The following DNAH12 variants were observed in gnomAD, a reference collection of about 807,000 sequenced individuals.
The protein encoded by DNAH12 is dynein axonemal heavy chain 12.
DNAH12 carries 285 observed loss-of-function variants against 371.5 expected under a neutral mutation model. The ratio of observed to expected loss-of-function variants is 0.77; its 90% CI spans 0.70 to 0.85. DNAH12 has a LOEUF of 0.85. Among genes scored for constraint, DNAH12 ranks in the 40% least tolerant of loss-of-function variants. The pLI is 0.00. For synonymous variants in DNAH12, 1,200 were observed against 1,213.0 expected (o/e 0.99, Z 0.22); for missense variants, 3,611 against 3,689.4 (o/e 0.98, Z 0.55).
At chr3:57,396,576 C>T (rs2063746529) in intron 43 of DNAH12, among the ~76,000 whole-genome samples, 1 of 151,876 alleles carries the variant, frequency 6.6e-6, no homozygotes, top group Admixed American at 6.6e-5. Flanking sequence ...CTGCCTCAGC[C>T]TCCCAAGTAT....
chr3:57,547,468 C>G (rs1425648373), upstream of DNAH12, among the ~76,000 whole-genome samples: 1 of 152,026 alleles, frequency 6.6e-6, no homozygotes, highest in South Asian at 2.1e-4. Flanking sequence ...GATGTACATC[C>G]TTTTTAATAG....
chr3:57,368,491 G>A (rs1254850623), intron 55 of DNAH12, among the ~76,000 whole-genome samples: 5 of 138,284 alleles, frequency 3.6e-5, no homozygotes, highest in African/African-American at 1.0e-4. Context: ...TCTGCCCAAG[G>A]TCCCAAGGTT....
At chr3:57,515,525 G>A (rs1221915626) in intron 4 of DNAH12, among the ~76,000 whole-genome samples, 1 of 152,078 alleles carries the variant, frequency 6.6e-6, no homozygotes, top group African/African-American at 2.4e-5. Flanking sequence ...TGGGAGGATG[G>A]CTTGAGCCCA....
At chr3:57,428,192 G>T in intron 34 of DNAH12, 1 of 394,866 alleles carries the variant, frequency 2.5e-6, no homozygotes, top group Non-Finnish European at 4.5e-6. Flanking sequence ...GCTTCCCACA[G>T]TGTGCTGGGA....
chr3:57,294,176 CTTTTTT>C (rs62779960), intron 73 of DNAH12, among the ~76,000 whole-genome samples: 4 of 129,104 alleles, frequency 3.1e-5, no homozygotes, highest in Admixed American at 7.9e-5. Context: ...CTTTTCTTTT[CTTTTTT>C]TTTTTTTTTT....
the DNAH12 span, among the ~76,000 whole-genome samples, chr3:57,552,180 G>A: frequency 1.3e-5 from 2 of 150,578 alleles, no homozygotes; most frequent in African/African-American, 2.4e-5. Context: ...AGGAGGCAGA[G>A]CTTGCAGTGA....
intron 69 of DNAH12, among the ~76,000 whole-genome samples, chr3:57,305,374 T>C (rs969406260): frequency 3.3e-5 from 5 of 151,764 alleles, no homozygotes; most frequent in Non-Finnish European, 7.4e-5. Context: ...CCGAGCTAGG[T>C]CCCAATTCTT....
At chr3:57,356,309 G>A (rs1368964239) in intron 59 of DNAH12, among the ~76,000 whole-genome samples, 1 of 152,060 alleles carries the variant, frequency 6.6e-6, no homozygotes, top group Admixed American at 6.5e-5. Context: ...CAGACATAGT[G>A]GTGTGCACCT....
chr3:57,545,410 C>A (rs1481322652), upstream of DNAH12, among the ~76,000 whole-genome samples: 1 of 151,782 alleles, frequency 6.6e-6, no homozygotes, highest in East Asian at 1.9e-4. Flanking sequence ...CCGCCCACCT[C>A]GGCCTCCCAA....
intron 4 of DNAH12, among the ~76,000 whole-genome samples, chr3:57,516,603 G>A (rs923659032): frequency 6.6e-6 from 1 of 152,022 alleles, no homozygotes; most frequent in East Asian, 1.9e-4. Flanking sequence ...AAGTCCTGTC[G>A]CATTTACATC....
At chr3:57,398,158 T>C (rs2063783508) in intron 43 of DNAH12, among the ~76,000 whole-genome samples, 1 of 152,076 alleles carries the variant, frequency 6.6e-6, no homozygotes, top group African/African-American at 2.4e-5. Flanking sequence ...TCTACAGGGG[T>C]TCAACATTAG....
chr3:57,498,596 G>C (rs2067397301), intron 11 of DNAH12: 1 of 714,538 alleles, frequency 1.4e-6, no homozygotes, highest in Non-Finnish European at 2.6e-6. Context: ...GAAGACCATA[G>C]TAACTTTATT....
At chr3:57,533,777 A>T (rs965342906) in intron 2 of DNAH12, among the ~76,000 whole-genome samples, 6 of 152,134 alleles carry the variant, frequency 3.9e-5, no homozygotes, top group African/African-American at 1.4e-4. Context: ...TGCGGAAGGA[A>T]GGGTCTCTTT....
chr3:57,318,206 G>C (rs189932493), intron 65 of DNAH12, among the ~76,000 whole-genome samples: 1 of 151,978 alleles, frequency 6.6e-6, no homozygotes, highest in Non-Finnish European at 1.5e-5. Flanking sequence ...CCTGTGTTTT[G>C]GTGTCATATC....
intron 60 of DNAH12, among the ~76,000 whole-genome samples, chr3:57,339,114 A>G (rs2062322544): frequency 6.6e-6 from 1 of 152,158 alleles, no homozygotes; most frequent in Non-Finnish European, 1.5e-5. Context: ...TGCTGTGTCA[A>G]CTCAGGGTTA....
chr3:57,494,636 G>T (rs1014658370), intron 11 of DNAH12, among the ~76,000 whole-genome samples: 29 of 152,038 alleles, frequency 1.9e-4, no homozygotes, highest in African/African-American at 6.8e-4. Context: ...GTGAAATTAG[G>T]CAAGAAAAAT....
chr3:57,358,106 T>C (rs2062842190), intron 58 of DNAH12, among the ~76,000 whole-genome samples: 1 of 152,248 alleles, frequency 6.6e-6, no homozygotes, highest in Non-Finnish European at 1.5e-5. Context: ...GGTATGCCTA[T>C]GTAGTCATGT....
intron 20 of DNAH12, 114 bp downstream of exon 20, chr3:57,459,478 G>C: frequency 9.6e-7 from 1 of 1,038,088 alleles, no homozygotes; most frequent in Admixed American, 3.6e-5. Flanking sequence ...GAACTTTCCA[G>C]TTTGTATACA....
At position 57,323,605 on chromosome 3, in the gene DNAH12, TA is replaced by T; in HGVS notation, c.9992del (p.Ile3331LysfsTer5). The T allele has an allele frequency of 6.5e-7, 1 of 1,546,902 alleles. No individual in the cohort carries two copies. Among genetic ancestry groups the T allele is most frequent in the Non-Finnish European group, 8.7e-7 (1 of 1,145,764 alleles). On this transcript the variant is annotated frameshift_variant, in exon 63 of 74. Transcript: ENST00000495027. LOFTEE classifies it high-confidence loss of function. ...CLRPDKITPA[I>X]TNYVTDKLGK... Reference sequence around the variant, plus strand: ...CTAGTTTGTCAGTTACATAGTTTGTTATAGCTGGGGTTATCTGTTGAAGAGA... The same window carrying T: ...CTAGTTTGTCAGTTACATAGTTTGTTTAGCTGGGGTTATCTGTTGAAGAGA...
Sources: allele counts gnomAD v4.1 joint callset (sites outside exome capture counted in the v4.1 genomes callset), GRCh38; gene constraint gnomAD v4.1.1; transcripts MANE v1.5; gene names NCBI Gene and HGNC (gene_info 2026-07-23, HGNC 2026-07-21).